Variants in TYW1B observed in about 807,000 individuals in gnomAD.
The protein encoded by TYW1B is tRNA-yW synthesizing protein 1 homolog B.
A neutral mutation model predicts 86.9 loss-of-function variants in TYW1B; 73 were observed. The observed-to-expected ratio is 0.84, with a 90% CI of 0.70 to 1.02. The LOEUF (loss-of-function observed/expected upper bound fraction) is 1.02. TYW1B is among the 50% of genes least tolerant of loss of function. TYW1B has a pLI of 0.00. For synonymous variants in TYW1B, 248 were observed against 292.8 expected (o/e 0.85, Z 1.56); for missense variants, 637 against 827.4 (o/e 0.77, Z 2.82).
chr7:72,582,814 T>C (rs1463339681), intron 13 of TYW1B, among the ~76,000 whole-genome samples: 2 of 152,140 alleles, frequency 1.3e-5, no homozygotes, highest in South Asian at 2.1e-4. Context: ...TTGAGAGTTG[T>C]TAACAAAAGA....
chr7:72,660,727 A>G (rs1390075274), intron 11 of TYW1B, among the ~76,000 whole-genome samples: 10 of 152,192 alleles, frequency 6.6e-5, no homozygotes, highest in African/African-American at 2.4e-4. Flanking sequence ...GGTATTGGTA[A>G]GAGAGAAAGG....
chr7:72,635,375 C>A (rs1812642071), intron 11 of TYW1B, among the ~76,000 whole-genome samples: 3 of 152,090 alleles, frequency 2.0e-5, no homozygotes, highest in Admixed American at 2.0e-4. Flanking sequence ...CAACCAGGAG[C>A]GATTCTGCAC....
intron 7 of TYW1B, among the ~76,000 whole-genome samples, chr7:72,745,021 G>A (rs1166319301): frequency 2.0e-5 from 3 of 152,096 alleles, no homozygotes; most frequent in African/African-American, 7.2e-5. Context: ...CTGGAGTGTC[G>A]TTCTTTTGTT....
rs190848934 is a variant in TYW1B, at chr7:72,612,501, C to T, written c.1785+4171G>A. Among the ~76,000 whole-genome samples, 68 of 152,258 alleles carry T rather than the reference C, an allele frequency of 4.5e-4. No individual in the cohort carries two copies. The South Asian group carries it at 6.6e-3, about 15-fold the overall frequency. ...GGAAACTTTGGTAAGAAGCGAGATA[C>T]TGCATTGTCTTAAGGTACCTTTTCA... On this transcript the variant is annotated intron_variant, in intron 13 of 13. Coordinates refer to ENST00000620995, the MANE Select transcript of TYW1B (RefSeq NM_001145440.3).
chr7:72,740,787 G>A (rs1386341157), intron 8 of TYW1B, among the ~76,000 whole-genome samples: 11 of 147,564 alleles, frequency 7.5e-5, no homozygotes, highest in African/African-American at 2.8e-4. Flanking sequence ...CTGGAGTGCA[G>A]TGGCGTGATC....
intron 11 of TYW1B, among the ~76,000 whole-genome samples, chr7:72,664,373 A>G (rs1813411163): frequency 6.6e-6 from 1 of 152,146 alleles, no homozygotes; most frequent in African/African-American, 2.4e-5. Context: ...GGTAACTAGT[A>G]GATAACTAGT....
chr7:72,576,074 G>A (rs185410824), intron 13 of TYW1B, among the ~76,000 whole-genome samples: 9 of 152,138 alleles, frequency 5.9e-5, no homozygotes, highest in Admixed American at 3.9e-4. Flanking sequence ...GCTTTTGATC[G>A]GTTACAAATT....
intron 11 of TYW1B, among the ~76,000 whole-genome samples, chr7:72,679,019 T>C (rs1159635375): frequency 1.3e-5 from 2 of 152,102 alleles, no homozygotes; most frequent in Admixed American, 1.3e-4. Flanking sequence ...GGAAGATTAC[T>C]TGAGCCCAGG....
intron 6 of TYW1B, among the ~76,000 whole-genome samples, chr7:72,797,806 A>T (rs1788329489): frequency 1.3e-5 from 2 of 152,172 alleles, no homozygotes; most frequent in South Asian, 2.1e-4. Flanking sequence ...AAAAGTAGGT[A>T]GCCGTGAGAC....
chr7:72,816,828 C>G (rs185966183), intron 2 of TYW1B, among the ~76,000 whole-genome samples: 1 of 152,176 alleles, frequency 6.6e-6, no homozygotes, highest in Non-Finnish European at 1.5e-5. Context: ...GGAGAAGACA[C>G]GGCCAGAAAC....
In TYW1B at chr7:72,795,150, C is replaced by G. The variant is rs1261086402; in HGVS notation, c.846+7250G>C. The stretch of plus-strand genomic sequence containing the variant: ...CTTCTGTTTATCTGTCCTGCCTCCC[C>G]CCAGCTGCTCCCAAACCCTACGGAG... On this transcript the variant is annotated intron_variant, in intron 6 of 13. Coordinates refer to ENST00000620995, the MANE Select transcript of TYW1B (RefSeq NM_001145440.3). 2.6e-5 allele frequency among the ~76,000 whole-genome samples: 4 copies of G among 151,892 alleles called. No homozygotes were observed. The Admixed American group carries it at 2.6e-4, about 10-fold the overall frequency.
intron 9 of TYW1B, among the ~76,000 whole-genome samples, chr7:72,718,367 T>C (rs1554456657): frequency 6.6e-6 from 1 of 152,176 alleles, no homozygotes; most frequent in African/African-American, 2.4e-5. Context: ...TCAGGTACAA[T>C]GTTCACTATT....
chr7:72,595,161 A>G (rs1485071654), intron 13 of TYW1B, among the ~76,000 whole-genome samples: 2 of 152,224 alleles, frequency 1.3e-5, no homozygotes, highest in South Asian at 2.1e-4. Flanking sequence ...AGAAGAAGAA[A>G]TACAAGGTAT....
At chr7:72,597,466 A>G (rs1326360485) in intron 13 of TYW1B, among the ~76,000 whole-genome samples, 1 of 152,202 alleles carries the variant, frequency 6.6e-6, no homozygotes. Context: ...AACAATAAAA[A>G]TAAAAAGCAT....
At chr7:72,776,831 A>T (rs1184344045) in intron 7 of TYW1B, among the ~76,000 whole-genome samples, 1 of 151,852 alleles carries the variant, frequency 6.6e-6, no homozygotes, top group Non-Finnish European at 1.5e-5. Context: ...ATATATATAT[A>T]TATTTCTCTA....
intron 11 of TYW1B, among the ~76,000 whole-genome samples, chr7:72,674,502 T>C (rs1813689249): frequency 6.6e-6 from 1 of 151,936 alleles, no homozygotes; most frequent in Non-Finnish European, 1.5e-5. Flanking sequence ...TTTTTTTAAT[T>C]AGGTCTTAAT....
At chr7:72,688,981 G>A (rs1385047389) in intron 11 of TYW1B, among the ~76,000 whole-genome samples, 14 of 152,214 alleles carry the variant, frequency 9.2e-5, no homozygotes, top group Admixed American at 3.3e-4. Context: ...TAACATTTTA[G>A]CTAAGCAGAG....
At chr7:72,578,175 G>A (rs144922096) in intron 13 of TYW1B, among the ~76,000 whole-genome samples, 1,850 of 149,916 alleles carry the variant, frequency 0.012, 38 homozygotes, top group African/African-American at 0.04. Context: ...GTGCAGTGGC[G>A]CAATCTCGGC....
At chr7:72,730,280 T>C (rs1333554913) in intron 8 of TYW1B, among the ~76,000 whole-genome samples, 3 of 151,054 alleles carry the variant, frequency 2.0e-5, no homozygotes, top group Non-Finnish European at 4.4e-5. Flanking sequence ...AATAATGATC[T>C]TAAGGAAACT....
Sources: allele counts gnomAD v4.1 joint callset (sites outside exome capture counted in the v4.1 genomes callset), GRCh38; gene constraint gnomAD v4.1.1; transcripts MANE v1.5; gene names NCBI Gene and HGNC (gene_info 2026-07-23, HGNC 2026-07-21).